AUTS2: variants seen among roughly 807,000 people sequenced by gnomAD.
The protein encoded by AUTS2 is autism susceptibility gene 2 protein.
Under a neutral mutation model 112.4 loss-of-function variants are expected in AUTS2, and 17 were observed. That is an observed-to-expected ratio of 0.15 (90% CI 0.10 to 0.23). The LOEUF (loss-of-function observed/expected upper bound fraction) is 0.23. Among genes scored for constraint, AUTS2 ranks in the 10% least tolerant of loss-of-function variants. The pLI is 1.00. For missense variants in AUTS2, 1,510 were observed against 1,701.6 expected, an observed-to-expected ratio of 0.89 and a Z score of 1.98; for synonymous variants, 751 against 702.7, an observed-to-expected ratio of 1.07 and a Z score of -1.09.
chr7:70,761,045 G>A (rs1368897957), intron 6 of AUTS2, among the ~76,000 whole-genome samples: 1 of 152,182 alleles, frequency 6.6e-6, no homozygotes, highest in African/African-American at 2.4e-5. Flanking sequence ...GCATGTTATC[G>A]GTTTGATCTG....
chr7:70,775,378 A>C lies in AUTS2; in HGVS notation c.1924A>C (p.Met642Leu). The change falls in exon 13 of 19, where the codon ATG becomes CTG. Residue 642 changes from methionine (M) to leucine (L), a missense_variant. Met to Leu is a conservative substitution (Grantham distance 15). Transcript: ENST00000342771. ...DPRLTDPFRPMLRKPGKWCAM... is the reference protein window; with the variant it reads ...DPRLTDPFRPLLRKPGKWCAM... ...ACAGTTGACAGATCCTTTCAGACCTATGTTAAGGGTAAGAAAGCTTCTTAT... is the reference window on the plus strand; with the variant it reads ...ACAGTTGACAGATCCTTTCAGACCTCTGTTAAGGGTAAGAAAGCTTCTTAT... The C allele has an allele frequency of 6.2e-7, 1 of 1,612,760 alleles. No homozygotes were observed. Among genetic ancestry groups the C allele is most frequent in the Admixed American group, 1.7e-5 (1 of 59,786 alleles).
chr7:70,071,240 C>T (rs868090562), intron 2 of AUTS2, among the ~76,000 whole-genome samples: 2 of 152,146 alleles, frequency 1.3e-5, no homozygotes, highest in East Asian at 1.9e-4. Flanking sequence ...TAACTTACTT[C>T]GCAGCTCTCC....
At chr7:70,773,474 C>T (rs548415469) in intron 11 of AUTS2, among the ~76,000 whole-genome samples, 26 of 152,320 alleles carry the variant, frequency 1.7e-4, no homozygotes, top group Admixed American at 3.3e-4. Flanking sequence ...AGAGCAGATC[C>T]GCAAGGTCCC....
intron 5 of AUTS2, among the ~76,000 whole-genome samples, chr7:70,649,663 G>C (rs1427700002): frequency 2.6e-5 from 4 of 152,086 alleles, no homozygotes; most frequent in Non-Finnish European, 4.4e-5. Context: ...CAAGCAGCCA[G>C]GATTACAGGT....
chr7:69,896,943 T>C (rs569925529), intron 1 of AUTS2, among the ~76,000 whole-genome samples: 1 of 152,368 alleles, frequency 6.6e-6, no homozygotes, highest in South Asian at 2.1e-4. Flanking sequence ...ACCCATAACC[T>C]ATCCTTTAGC....
At chr7:70,261,092 A>G (rs990692338) in intron 4 of AUTS2, among the ~76,000 whole-genome samples, 4 of 152,214 alleles carry the variant, frequency 2.6e-5, no homozygotes, top group Non-Finnish European at 4.4e-5. Flanking sequence ...AAGAAGCAGT[A>G]TACATTACTA....
intron 3 of AUTS2, among the ~76,000 whole-genome samples, chr7:70,127,406 G>A (rs1806035791): frequency 6.6e-6 from 1 of 151,916 alleles, no homozygotes; most frequent in African/African-American, 2.4e-5. Flanking sequence ...CAAAGCCCTG[G>A]GATTATACAC....
At chr7:70,264,040 C>A (rs1787292894) in intron 4 of AUTS2, among the ~76,000 whole-genome samples, 1 of 152,110 alleles carries the variant, frequency 6.6e-6, no homozygotes, top group African/African-American at 2.4e-5. Context: ...TTGCATTGTT[C>A]CACTAGTAAT....
At chr7:70,727,004 T>C (rs1170493222) in intron 6 of AUTS2, among the ~76,000 whole-genome samples, 1 of 152,220 alleles carries the variant, frequency 6.6e-6, no homozygotes, top group Non-Finnish European at 1.5e-5. Flanking sequence ...TTTTCACTTC[T>C]CCGTGCCAGC....
At chr7:70,716,904 G>A (rs1210078715) in intron 6 of AUTS2, among the ~76,000 whole-genome samples, 1 of 151,794 alleles carries the variant, frequency 6.6e-6, no homozygotes, top group Non-Finnish European at 1.5e-5. Flanking sequence ...TATAGAATTG[G>A]GTATATGTCT....
At chr7:70,109,972 C>T (rs1215784654) in intron 2 of AUTS2, among the ~76,000 whole-genome samples, 1 of 152,146 alleles carries the variant, frequency 6.6e-6, no homozygotes, top group Non-Finnish European at 1.5e-5. Flanking sequence ...TTTACACTTC[C>T]ATTTTCTTGC....
At chr7:70,136,530 A>G (rs1043445385) in intron 4 of AUTS2, among the ~76,000 whole-genome samples, 1 of 152,210 alleles carries the variant, frequency 6.6e-6, no homozygotes. Flanking sequence ...CATACTTCTA[A>G]GTGGAAATGA....
At chr7:70,285,707 G>A (rs535548790) in intron 4 of AUTS2, among the ~76,000 whole-genome samples, 79 of 152,168 alleles carry the variant, frequency 5.2e-4, no homozygotes, top group African/African-American at 1.5e-3. Context: ...AATATTGATA[G>A]TTATCTCTTG....
At chr7:70,165,335 T>C (rs1421408977) in intron 4 of AUTS2, among the ~76,000 whole-genome samples, 2 of 152,038 alleles carry the variant, frequency 1.3e-5, no homozygotes, top group African/African-American at 2.4e-5. Flanking sequence ...AGAATAAATA[T>C]GAAGAAAAGC....
chr7:70,142,644 C>T (rs1806926409), intron 4 of AUTS2, among the ~76,000 whole-genome samples: 1 of 152,150 alleles, frequency 6.6e-6, no homozygotes, highest in South Asian at 2.1e-4. Flanking sequence ...CATAGAGATA[C>T]TGAAGCTGTT....
At chr7:70,667,667 A>C (rs567530557) in intron 5 of AUTS2, among the ~76,000 whole-genome samples, 1 of 152,330 alleles carries the variant, frequency 6.6e-6, no homozygotes, top group South Asian at 2.1e-4. Flanking sequence ...CCAATTTTCT[A>C]ACTCAGGGAA....
chr7:70,060,778 T>G (rs1802209846), intron 2 of AUTS2, among the ~76,000 whole-genome samples: 1 of 152,198 alleles, frequency 6.6e-6, no homozygotes, highest in African/African-American at 2.4e-5. Flanking sequence ...GCAGGTATGT[T>G]GTTTGTCTCC....
At chr7:70,091,628 GC>G (rs1479006605) in intron 2 of AUTS2, among the ~76,000 whole-genome samples, 1 of 152,180 alleles carries the variant, frequency 6.6e-6, no homozygotes, top group African/African-American at 2.4e-5. Context: ...AAACCACTCT[GC>G]TGTTACAGTC....
intron 2 of AUTS2, among the ~76,000 whole-genome samples, chr7:69,926,545 C>A (rs898053000): frequency 6.6e-6 from 1 of 151,794 alleles, no homozygotes; most frequent in Non-Finnish European, 1.5e-5. Flanking sequence ...ACTTTATTAT[C>A]TCTTTTAATT....
Sources: allele counts gnomAD v4.1 joint callset (sites outside exome capture counted in the v4.1 genomes callset), GRCh38; gene constraint gnomAD v4.1.1; transcripts MANE v1.5; gene names NCBI Gene and HGNC (gene_info 2026-07-23, HGNC 2026-07-21).